Variants in AKAP13 observed in about 807,000 individuals in gnomAD.
AKAP13 encodes the protein A-kinase anchoring protein 13.
A neutral mutation model predicts 264.5 loss-of-function variants in AKAP13; 80 were observed. The observed-to-expected ratio is 0.30, with a 90% CI of 0.25 to 0.36. The LOEUF (loss-of-function observed/expected upper bound fraction) is 0.36. Among genes scored for constraint, AKAP13 ranks in the 10% least tolerant of loss-of-function variants. The pLI is 1.00. For missense variants in AKAP13, 3,712 were observed against 3,435.2 expected, an observed-to-expected ratio of 1.08 and a Z score of -2.01; for synonymous variants, 1,380 against 1,250.2, an observed-to-expected ratio of 1.10 and a Z score of -2.19.
intron 14 of AKAP13, among the ~76,000 whole-genome samples, chr15:85,681,323 A>G (rs74531604): frequency 1.3e-5 from 2 of 152,334 alleles, no homozygotes; most frequent in East Asian, 3.9e-4. Context: ...CTGAAAATTG[A>G]AAATCATTTA....
intron 8 of AKAP13, among the ~76,000 whole-genome samples, chr15:85,593,360 A>C (rs1355273307): frequency 1.3e-5 from 2 of 151,992 alleles, no homozygotes; most frequent in Non-Finnish European, 2.9e-5. Context: ...AACAAAACTG[A>C]GGATATCTTA....
chr15:85,686,875 A>C (rs890440563), intron 16 of AKAP13, among the ~76,000 whole-genome samples: 1 of 152,088 alleles, frequency 6.6e-6, no homozygotes, highest in Non-Finnish European at 1.5e-5. Flanking sequence ...ACCTTGAAAA[A>C]CTTTATGATC....
chr15:85,699,196 C>G (rs183217020), intron 17 of AKAP13, among the ~76,000 whole-genome samples: 10 of 152,184 alleles, frequency 6.6e-5, no homozygotes, highest in African/African-American at 2.4e-4. Context: ...GTAATCCCTG[C>G]ACTTTGGGAG....
chr15:85,660,128 G>T (rs2083271758), intron 12 of AKAP13, among the ~76,000 whole-genome samples: 1 of 152,040 alleles, frequency 6.6e-6, no homozygotes, highest in South Asian at 2.1e-4. Flanking sequence ...TGAGCCAGAT[G>T]GATTGCGTGA....
Position 85,580,573 on chromosome 15 carries a change from T to A in AKAP13, c.2505T>A (p.Pro835=). The part of the protein sequence containing the change: ...RDGPDGNSNE[P]DTRPLEDRAV... ...GCCCAGATGGAAATTCGAATGAGCC[T>A]GATACGCGGCCACTAGAAGACAGGG... The change falls in exon 7 of 37, where the codon CCT becomes CCA. Residue 835 remains proline (P), a synonymous_variant. Coordinates refer to ENST00000394518, the MANE Select transcript of AKAP13 (RefSeq NM_007200.5). 6.2e-7 allele frequency: 1 copy of A among 1,614,208 alleles called. No individual in the cohort carries two copies. The highest frequency in any genetic ancestry group is 8.5e-7 in the Non-Finnish European group (1 of 1,180,040).
intron 2 of AKAP13, among the ~76,000 whole-genome samples, chr15:85,493,925 T>G (rs1283065445): frequency 1.3e-5 from 2 of 152,242 alleles, no homozygotes; most frequent in African/African-American, 4.8e-5. Flanking sequence ...CAATGCCCCC[T>G]TAAACCTCAG....
chr15:85,650,946 C>A (rs2082808377), intron 10 of AKAP13, among the ~76,000 whole-genome samples: 1 of 151,580 alleles, frequency 6.6e-6, no homozygotes, highest in Non-Finnish European at 1.5e-5. Flanking sequence ...AAAATGTGAG[C>A]CATTATTTTC....
chr15:85,651,008 T>C (rs1434732597), intron 10 of AKAP13, among the ~76,000 whole-genome samples: 1 of 152,034 alleles, frequency 6.6e-6, no homozygotes. Context: ...TAATAATAAA[T>C]GTTTGGGAAT....
intron 2 of AKAP13, among the ~76,000 whole-genome samples, chr15:85,504,935 C>T (rs1211900400): frequency 1.3e-5 from 2 of 151,758 alleles, no homozygotes; most frequent in East Asian, 1.9e-4. Flanking sequence ...CCCTCTCTCC[C>T]ATCTCTCTCT....
In AKAP13 at chr15:85,708,715, G is replaced by A. The variant is rs1247830229; in HGVS notation, c.5532+629G>A. Among the ~76,000 whole-genome samples, 1 of 152,076 alleles carries A rather than the reference G, an allele frequency of 6.6e-6. No individual in the cohort carries two copies. Among genetic ancestry groups the A allele is most frequent in the Non-Finnish European group, 1.5e-5 (1 of 67,984 alleles). On this transcript the variant is annotated intron_variant, in intron 18 of 36. Coordinates refer to ENST00000394518, the MANE Select transcript of AKAP13 (RefSeq NM_007200.5). This position sits in a 1 kb window ranked among gnomAD's most constrained non-coding sequence, Gnocchi z 4.3. ...TTAGGTAGCCTGTGAGGTTTTCAAT[G>A]TTCTAGTCGCCTGTAAGTGTCTCTT...
In AKAP13 at chr15:85,579,902, G is replaced by A. The variant is rs1055037888; in HGVS notation, c.1834G>A (p.Gly612Ser). ...TTATACTCTCTTAGCAGCAGGCATA[G>A]GTGAGGCAATGTCACCCTCAGATTT... ...EPYTLLAAGI[G>S]EAMSPSDLAL... The change falls in exon 7 of 37, where the codon GGT becomes AGT. Residue 612 changes from glycine (G) to serine (S), a missense_variant. By Grantham distance (56) the Gly-to-Ser change is moderately conservative (BLOSUM62 0). Around this residue, in one of 3 missense-constraint regions of AKAP13, gnomAD observed 2,759 missense variants for 2,411.7 expected, o/e 1.14. Coordinates refer to ENST00000394518, the MANE Select transcript of AKAP13 (RefSeq NM_007200.5). 2.5e-6 allele frequency: 4 copies of A among 1,614,208 alleles called. No individual in the cohort carries two copies. The highest frequency in any genetic ancestry group is 1.7e-4 in the Middle Eastern group (1 of 6,058).
At chr15:85,611,527 C>T (rs1241208701) in intron 8 of AKAP13, among the ~76,000 whole-genome samples, 2 of 152,228 alleles carry the variant, frequency 1.3e-5, no homozygotes, top group Non-Finnish European at 2.9e-5. Flanking sequence ...TTTTCTTGAG[C>T]TCTGCTTTCA....
intron 5 of AKAP13, among the ~76,000 whole-genome samples, chr15:85,546,748 T>C (rs1180023819): frequency 6.6e-6 from 1 of 151,982 alleles, no homozygotes; most frequent in African/African-American, 2.4e-5. Context: ...TTTTTTTTTT[T>C]TTTTCTTTTC....
chr15:85,719,143 G>C lies in AKAP13; in HGVS notation c.6069G>C (p.Gly2023=), dbSNP rs2087132774. 2.2e-5 allele frequency: 36 copies of C among 1,614,176 alleles called. No homozygotes were observed. The highest frequency in any genetic ancestry group is 3.0e-5 in the Non-Finnish European group (35 of 1,180,030). ...TCATGAGTGGTGTGTACAGCCAGGG[G>C]ATGATGGCGGATCTGCTTTTTGAGC... ...LKIMSGVYSQ[G]MMADLLFEQQ... Residue 2023 remains glycine, a synonymous_variant, in exon 23 of 37, where the codon GGG becomes GGC. Coordinates refer to ENST00000394518, the MANE Select transcript of AKAP13 (RefSeq NM_007200.5).
chr15:85,727,025 T>C lies in AKAP13; in HGVS notation c.6823-41T>C. 2.5e-6 allele frequency: 4 copies of C among 1,607,414 alleles called. No individual in the cohort carries two copies. The highest frequency in any genetic ancestry group is 3.4e-6 in the Non-Finnish European group (4 of 1,174,410). ...GAAGCTGTCCTTCAGAGTTAGAATA[T>C]TGTATATGTATCTTTTATTTGCCCT... On this transcript the variant is annotated intron_variant, in intron 27 of 36. Coordinates refer to ENST00000394518, the MANE Select transcript of AKAP13 (RefSeq NM_007200.5). The surrounding 1 kb of genome is among the most constrained non-coding windows in gnomAD (Gnocchi z 5.3).
In AKAP13 at chr15:85,579,869, T is replaced by C. The variant is rs2079119519; in HGVS notation, c.1801T>C (p.Leu601=). The C allele has an allele frequency of 4.3e-6, 7 of 1,614,182 alleles. No homozygotes were observed. Among genetic ancestry groups the C allele is most frequent in the Non-Finnish European group, 5.9e-6 (7 of 1,180,034 alleles). ...AAAKDKISDG[L]EPYTLLAAGI... is the part of the protein sequence containing the mutation. ...TGCAAAAGACAAGATTTCAGATGGA[T>C]TAGAACCTTATACTCTCTTAGCAGC... Residue 601 remains leucine, a synonymous_variant, in exon 7 of 37, where the codon TTA becomes CTA. Transcript: ENST00000394518.
chr15:85,433,160 G>C (rs2073106374), intron 1 of AKAP13, among the ~76,000 whole-genome samples: 1 of 119,206 alleles, frequency 8.4e-6, no homozygotes, highest in Non-Finnish European at 1.7e-5. Context: ...GTTTTTAAGG[G>C]ATAGCATCAT....
chr15:85,408,534 G>A (rs11854767), intron 1 of AKAP13, among the ~76,000 whole-genome samples: 81,571 of 151,346 alleles, frequency 0.54, 23,103 homozygotes, highest in African/African-American at 0.65. Context: ...TGTTTCTATG[G>A]ATTTGACTAT....
intron 8 of AKAP13, among the ~76,000 whole-genome samples, chr15:85,638,298 T>C (rs1265260817): frequency 6.6e-6 from 1 of 152,240 alleles, no homozygotes; most frequent in African/African-American, 2.4e-5. Context: ...ATTTTAATTC[T>C]CTTATATTTA....
Sources: gnomAD v4.1 joint callset for allele counts (sites outside exome capture counted in the v4.1 genomes callset) on GRCh38, gnomAD v4.1.1 for gene constraint, gnomAD v4.1.1 regional missense constraint, Gnocchi (gnomAD v3.1) non-coding constraint, MANE v1.5 for transcripts, NCBI Gene and HGNC (gene_info 2026-07-23, HGNC 2026-07-21) for gene names.